Variants in APP observed in about 807,000 individuals in gnomAD.
The protein encoded by APP is amyloid beta precursor protein.
APP carries 31 observed loss-of-function variants against 101.4 expected under a neutral mutation model. The ratio of observed to expected loss-of-function variants is 0.31; its 90% CI spans 0.23 to 0.41. The LOEUF (loss-of-function observed/expected upper bound fraction) is 0.41. APP is among the 10% of genes least tolerant of loss of function. APP has a pLI of 1.00. For missense variants in APP, 839 were observed against 1,003.7 expected, an observed-to-expected ratio of 0.84 and a Z score of 2.22; for synonymous variants, 366 against 364.4, an observed-to-expected ratio of 1.00 and a Z score of -0.05.
chr21:25,930,506 T>C (rs1429547218), intron 13 of APP, among the ~76,000 whole-genome samples: 1 of 152,146 alleles, frequency 6.6e-6, no homozygotes, highest in Non-Finnish European at 1.5e-5. Flanking sequence ...CATCCATACA[T>C]AGTGAATTTC....
intron 1 of APP, among the ~76,000 whole-genome samples, chr21:26,148,232 G>A (rs1052338737): frequency 6.6e-6 from 1 of 152,186 alleles, no homozygotes; most frequent in Non-Finnish European, 1.5e-5. Context: ...AATGAGGTTG[G>A]CAGAGATTTT....
At chr21:25,977,230 A>G (rs1403313462) in intron 9 of APP, among the ~76,000 whole-genome samples, 1 of 152,242 alleles carries the variant, frequency 6.6e-6, no homozygotes, top group African/African-American at 2.4e-5. Context: ...TATGTTGTTC[A>G]AAGAAAATAT....
Position 26,006,369 on chromosome 21 carries a change from C to T in APP, c.866-6187G>A, listed in dbSNP as rs115973601. On this transcript the variant is annotated intron_variant, in intron 6 of 17. Transcript: ENST00000346798. ...TAACAACTCTGCTCACTCTTCAAGA[C>T]AAAATGCCATTTACTACACTGAAAT... Among the ~76,000 whole-genome samples the T allele has an allele frequency of 3.5e-3, 530 of 152,322 alleles. 4 individuals carry two copies. The highest frequency in any genetic ancestry group is 0.012 in the African/African-American group (484 of 41,584).
chr21:26,098,082 A>G (rs80090438), intron 2 of APP, among the ~76,000 whole-genome samples: 12 of 86,042 alleles, frequency 1.4e-4, no homozygotes, highest in East Asian at 9.5e-4. Flanking sequence ...TCTGTCTCAG[A>G]AAAAAAAAAA....
intron 3 of APP, among the ~76,000 whole-genome samples, chr21:26,067,663 A>G (rs1361444716): frequency 6.6e-6 from 1 of 152,068 alleles, no homozygotes; most frequent in Non-Finnish European, 1.5e-5. Flanking sequence ...ATCTCCCCCC[A>G]TTTCTCTTGT....
chr21:26,043,467 G>T (rs2045467070), intron 5 of APP, among the ~76,000 whole-genome samples: 1 of 151,978 alleles, frequency 6.6e-6, no homozygotes, highest in African/African-American at 2.4e-5. Flanking sequence ...CTGACATCAA[G>T]AGATCTGCCA....
chr21:25,881,744 GCTC>G lies in APP; in HGVS notation c.2236_2238del (p.Glu746del), dbSNP rs1184017210. The G allele has an allele frequency of 6.2e-7, 1 of 1,613,740 alleles. No homozygotes were observed. The highest frequency in any genetic ancestry group is 1.7e-5 in the Admixed American group (1 of 59,996). ...TTCTGCTGCATCTTGGACAGGTGGC[GCTC>G]CTCTGGGGTGACAGCGGCGTCAACC... On this transcript the variant is annotated inframe_deletion, in exon 18 of 18. Transcript: ENST00000346798.
intron 13 of APP, among the ~76,000 whole-genome samples, chr21:25,939,034 C>T (rs566886810): frequency 3.3e-5 from 5 of 152,204 alleles, no homozygotes; most frequent in Non-Finnish European, 7.3e-5. Flanking sequence ...TTTAAAGACA[C>T]ACTTTGATTT....
At chr21:25,885,832 T>C (rs537570639) in intron 17 of APP, among the ~76,000 whole-genome samples, 2 of 152,278 alleles carry the variant, frequency 1.3e-5, no homozygotes, top group African/African-American at 4.8e-5. Context: ...ATTTAGTCCT[T>C]CACTGTATCC....
chr21:25,996,772 G>C (rs147490386), intron 8 of APP, among the ~76,000 whole-genome samples: 7 of 152,154 alleles, frequency 4.6e-5, no homozygotes, highest in African/African-American at 1.7e-4. Flanking sequence ...CCCACTTACC[G>C]AACTGGATAA....
rs974426431 is a variant in APP, at chr21:25,925,423, T to A, written c.1688-13461A>T. ...GCTTTGAATCCTTTTGTCTGTACTC[T>A]TGCTACATGGGTGTTCTCTGGGAGT... On this transcript the variant is annotated intron_variant, in intron 13 of 17. Coordinates refer to ENST00000346798, the MANE Select transcript of APP (RefSeq NM_000484.4). Among the ~76,000 whole-genome samples, 8 of 152,288 alleles carry A rather than the reference T, an allele frequency of 5.3e-5. No individual in the cohort carries two copies. In the East Asian group the frequency reaches 1.4e-3, roughly 26 times the overall value.
chr21:26,044,258 T>C (rs181974367), intron 5 of APP, among the ~76,000 whole-genome samples: 32 of 152,318 alleles, frequency 2.1e-4, no homozygotes, highest in African/African-American at 7.2e-4. Context: ...CACCAGTGAA[T>C]AGCCACTGCG....
At position 26,076,306 on chromosome 21, in the gene APP, C is replaced by A. The variant is rs75804853; in HGVS notation, c.355+13637G>T. Among the ~76,000 whole-genome samples the A allele has an allele frequency of 3.8e-4, 58 of 152,302 alleles. 1 individual carries two copies. In the East Asian group the frequency reaches 7.9e-3, roughly 21 times the overall value. Reference sequence around the variant, plus strand: ...CTTTTACCATATGCTCCAGCTCACACTACCATCTCCCTACCTCCTATGCTC... The same window carrying A: ...CTTTTACCATATGCTCCAGCTCACAATACCATCTCCCTACCTCCTATGCTC... On this transcript the variant is annotated intron_variant, in intron 3 of 17. Transcript: ENST00000346798.
intron 15 of APP, among the ~76,000 whole-genome samples, chr21:25,901,669 G>A (rs537355988): frequency 1.3e-5 from 2 of 152,312 alleles, no homozygotes; most frequent in East Asian, 3.9e-4. Flanking sequence ...CAGGGACCTT[G>A]GTTTGCAGGC....
chr21:26,170,798 G>A, upstream of APP: 1 of 613,656 alleles, frequency 1.6e-6, no homozygotes, highest in Non-Finnish European at 2.6e-6. Context: ...GCGGGGCTCA[G>A]AGCCAGGCGA....
At chr21:26,164,585 G>A (rs2063566442) in intron 1 of APP, among the ~76,000 whole-genome samples, 1 of 152,192 alleles carries the variant, frequency 6.6e-6, no homozygotes, top group Non-Finnish European at 1.5e-5. Flanking sequence ...AGCTGCCAGT[G>A]TGTACAACAT....
At chr21:25,969,647 C>G (rs1359786502) in intron 11 of APP, among the ~76,000 whole-genome samples, 1 of 151,630 alleles carries the variant, frequency 6.6e-6, no homozygotes, top group African/African-American at 2.4e-5. Flanking sequence ...CAAGACTAGC[C>G]TGGGTAACAC....
At chr21:25,980,623 C>T (rs2042392435) in intron 9 of APP, among the ~76,000 whole-genome samples, 1 of 151,950 alleles carries the variant, frequency 6.6e-6, no homozygotes. Context: ...TGTTATTATA[C>T]CAAAGTAGAT....
At chr21:26,050,285 C>T (rs370405117) in intron 5 of APP, among the ~76,000 whole-genome samples, 1 of 152,126 alleles carries the variant, frequency 6.6e-6, no homozygotes, top group Non-Finnish European at 1.5e-5. Context: ...AATCATCACC[C>T]TTCGGGGGAT....
Sources: allele counts gnomAD v4.1 joint callset (sites outside exome capture counted in the v4.1 genomes callset), GRCh38; gene constraint gnomAD v4.1.1; transcripts MANE v1.5; gene names NCBI Gene and HGNC (gene_info 2026-07-23, HGNC 2026-07-21).